EFCC1: variants seen among roughly 807,000 people sequenced by gnomAD.
The protein encoded by EFCC1 is EF-hand and coiled-coil domain containing 1.
Under a neutral mutation model 52.1 loss-of-function variants are expected in EFCC1, and 50 were observed. That is an observed-to-expected ratio of 0.96 (90% CI 0.76 to 1.21). EFCC1 has a LOEUF of 1.21. Among genes scored for constraint, EFCC1 ranks in the 50% most tolerant of loss-of-function variants. The pLI, the probability that EFCC1 is intolerant of heterozygous loss-of-function variation, is 0.00. For missense variants in EFCC1, 837 were observed against 867.3 expected, an observed-to-expected ratio of 0.97 and a Z score of 0.44; for synonymous variants, 399 against 396.5, an observed-to-expected ratio of 1.01 and a Z score of -0.08.
intron 2 of EFCC1, among the ~76,000 whole-genome samples, chr3:129,018,886 C>T (rs1170594870): frequency 1.3e-5 from 2 of 152,208 alleles, no homozygotes; most frequent in African/African-American, 2.4e-5. Flanking sequence ...GGAGTTCCCA[C>T]CCCAAATGTT....
rs1187748863 is a variant in EFCC1, at chr3:129,001,854, C to G, written c.226C>G (p.Arg76Gly). 6.5e-7 allele frequency: 1 copy of G among 1,546,198 alleles called. No homozygotes were observed. Among genetic ancestry groups the G allele is most frequent in the South Asian group, 1.2e-5 (1 of 83,540 alleles). The change falls in exon 1 of 8, where the codon CGC becomes GGC. Residue 76 changes from arginine (R) to glycine (G), a missense_variant. Physicochemically the swap from Arg to Gly is moderately radical, Grantham distance 125. Transcript: ENST00000683648. ...LDCRGAGRLP[R>G]ADFRALCAVL... Reference sequence around the variant, plus strand: ...CTGCCGCGGCGCCGGCCGTCTGCCCCGCGCCGACTTCCGAGCGCTCTGCGC... The same window carrying G: ...CTGCCGCGGCGCCGGCCGTCTGCCCGGCGCCGACTTCCGAGCGCTCTGCGC...
chr3:129,002,076 T>A lies in EFCC1; in HGVS notation c.448T>A (p.Cys150Ser). Reference sequence around the variant, plus strand: ...CTTCCGCCAGTTCCACGCGCGCCTCTGTGGCTACTTCGGCACCCGTGCGGG... The same window carrying A: ...CTTCCGCCAGTTCCACGCGCGCCTCAGTGGCTACTTCGGCACCCGTGCGGG... ...LTFRQFHARLCGYFGTRAGPR... is the reference protein window; with the variant it reads ...LTFRQFHARLSGYFGTRAGPR... Residue 150 changes from cysteine (C) to serine (S), a missense_variant, in exon 1 of 8, where the codon TGT becomes AGT. Coordinates refer to ENST00000683648, the MANE Select transcript of EFCC1 (RefSeq NM_001377500.1). 1 of 1,532,850 alleles carries A rather than the reference T, an allele frequency of 6.5e-7. No homozygotes were observed. The highest frequency in any genetic ancestry group is 8.8e-7 in the Non-Finnish European group (1 of 1,140,018). The allele number at this position is 1,532,850 out of a possible 1,614,324, so 95.0% of individuals were successfully genotyped here.
chr3:129,033,698 A>G (rs1334620627), intron 4 of EFCC1, among the ~76,000 whole-genome samples: 1 of 152,238 alleles, frequency 6.6e-6, no homozygotes, highest in Non-Finnish European at 1.5e-5. Context: ...ATCGCAGTAA[A>G]CCAGACAGTG....
chr3:129,034,312 G>T lies in EFCC1; in HGVS notation c.1435G>T (p.Gly479Trp), dbSNP rs767718057. ...TCAGGGCTGCGGTGGGAGGACCCTG[G>T]GGACCTCTGAGGAGGAGGTCAGCAG... ...RTQGCGGRTL[G>W]TSEEEAELQQ... Residue 479 changes from glycine (G) to tryptophan (W), a missense_variant, in exon 5 of 8, where the codon GGG (glycine) becomes TGG (tryptophan). Gly to Trp is a radical substitution (Grantham distance 184). Transcript: ENST00000683648. 6.2e-7 allele frequency: 1 copy of T among 1,613,976 alleles called. No individual in the cohort carries two copies. The highest frequency in any genetic ancestry group is 1.1e-5 in the South Asian group (1 of 91,074).
chr3:129,027,378 C>T (rs1470413269), intron 2 of EFCC1, among the ~76,000 whole-genome samples: 1 of 152,172 alleles, frequency 6.6e-6, no homozygotes, highest in Admixed American at 6.5e-5. Flanking sequence ...CCCTCTTGGG[C>T]TCGCGGGCCC....
At chr3:129,019,299 G>A (rs1015426673) in intron 2 of EFCC1, among the ~76,000 whole-genome samples, 2 of 152,112 alleles carry the variant, frequency 1.3e-5, no homozygotes, top group African/African-American at 4.8e-5. Context: ...TACCCTTTTG[G>A]GTGATGAAGA....
At chr3:129,038,202 C>T (rs2107942644) in intron 6 of EFCC1, among the ~76,000 whole-genome samples, 1 of 152,266 alleles carries the variant, frequency 6.6e-6, no homozygotes, top group African/African-American at 2.4e-5. Flanking sequence ...AAAGCAAGAC[C>T]CAGGTCTGTG....
chr3:129,004,882 G>A (rs562977849), intron 2 of EFCC1, among the ~76,000 whole-genome samples: 8 of 152,220 alleles, frequency 5.3e-5, no homozygotes, highest in African/African-American at 1.7e-4. Context: ...AGGGCTTTTG[G>A]CAGACGTGTG....
chr3:129,033,083 C>T (rs1004504519), intron 4 of EFCC1, 117 bp downstream of exon 4: 12 of 1,367,454 alleles, frequency 8.8e-6, no homozygotes, highest in African/African-American at 3.0e-5. Context: ...AGCCCCTCTG[C>T]GACTCTGTCC....
At chr3:129,024,114 G>T (rs1379608815) in intron 2 of EFCC1, among the ~76,000 whole-genome samples, 1 of 152,210 alleles carries the variant, frequency 6.6e-6, no homozygotes, top group East Asian at 1.9e-4. Flanking sequence ...GGAAATCCCA[G>T]TCTGGTGAGA....
chr3:129,024,479 C>T (rs1005026516), intron 2 of EFCC1, among the ~76,000 whole-genome samples: 44 of 150,816 alleles, frequency 2.9e-4, no homozygotes, highest in Admixed American at 1.5e-3. Context: ...TGCAGTGAGC[C>T]GAGATTGCAC....
In EFCC1 at chr3:129,039,978, C is replaced by T; in HGVS notation, c.*130C>T. On this transcript the variant is annotated 3_prime_UTR_variant, in exon 8 of 8. Coordinates refer to ENST00000683648, the MANE Select transcript of EFCC1 (RefSeq NM_001377500.1). ...ATCAGAACTTGAGTCTCTGCTGGCT[C>T]CTTCCAAGGTTAAGCCCGAGCCCAG... 1 of 1,299,028 alleles carries T rather than the reference C, an allele frequency of 7.7e-7. No individual in the cohort carries two copies. Among genetic ancestry groups the T allele is most frequent in the South Asian group, 1.7e-5 (1 of 60,466 alleles). 80.5% of individuals were successfully genotyped at this position (1,299,028 alleles called of 1,614,324 possible).
chr3:129,036,173 C>G (rs1946351852), intron 5 of EFCC1, among the ~76,000 whole-genome samples: 1 of 152,186 alleles, frequency 6.6e-6, no homozygotes, highest in Non-Finnish European at 1.5e-5. Flanking sequence ...GCATAGCCAC[C>G]CCTTTTCTAA....
In EFCC1 at chr3:129,032,938, C is replaced by A. The variant is rs1401661047; in HGVS notation, c.1258C>A (p.Leu420Met). 2 of 1,547,626 alleles carry A rather than the reference C, an allele frequency of 1.3e-6. No homozygotes were observed. Among genetic ancestry groups the A allele is most frequent in the Admixed American group, 3.9e-5 (2 of 50,762 alleles). ...KTPAAEAKTL[L>M]ARLSSCRGRC... ...GCCGGCAGCCGAGGCCAAGACACTG[C>A]TGGCCCGGCTCTCCAGCTGCAGAGG... is the stretch of plus-strand genomic sequence containing the variant. Residue 420 changes from leucine (L) to methionine (M), a missense_variant, in exon 4 of 8, where the codon CTG becomes ATG. Transcript: ENST00000683648.
chr3:129,002,369 G>A (rs910721571), intron 1 of EFCC1, 45 bp downstream of exon 1: 15 of 1,486,592 alleles, frequency 1.0e-5, no homozygotes, highest in Non-Finnish European at 1.3e-5. Flanking sequence ...CCGGGAGAGG[G>A]CTCGAACTAA....
At chr3:129,018,021 T>TACCATATAGTATGCAGTCCTGGCC (rs1945666147) in intron 2 of EFCC1, among the ~76,000 whole-genome samples, 1 of 152,196 alleles carries the variant, frequency 6.6e-6, no homozygotes, top group Admixed American at 6.5e-5. Flanking sequence ...CCCTCCTGGC[T>TACCATATAGTATGCAGTCCTGGCC]ACCATATAGT....
intron 4 of EFCC1, 130 bp from the exon 5 acceptor site, chr3:129,034,034 G>A (rs1448624958): frequency 2.0e-5 from 22 of 1,100,564 alleles, no homozygotes; most frequent in Non-Finnish European, 2.8e-5. Context: ...GAGGGTACTG[G>A]GCAGGCAGGT....
chr3:129,003,645 A>C, intron 1 of EFCC1, 149 bp from the exon 2 acceptor site: 1 of 789,030 alleles, frequency 1.3e-6, no homozygotes, highest in Non-Finnish European at 1.7e-6. Flanking sequence ...CACCGGACCT[A>C]AGGGCCTGGC....
chr3:129,014,125 A>G lies in EFCC1; in HGVS notation c.980+10048A>G, dbSNP rs1003168643. ...ATAACCATTGGCTTTTCTTCATTCAACCAAATTCTGTCAAGTGCCTAGAGA... is the reference window on the plus strand; with the variant it reads ...ATAACCATTGGCTTTTCTTCATTCAGCCAAATTCTGTCAAGTGCCTAGAGA... On this transcript the variant is annotated intron_variant, in intron 2 of 7. Transcript: ENST00000683648. This position sits in a 1 kb window ranked among gnomAD's most constrained non-coding sequence, Gnocchi z 4.3. 8.5e-5 allele frequency among the ~76,000 whole-genome samples: 13 copies of G among 152,324 alleles called. No homozygotes were observed. The East Asian group carries it at 1.7e-3, about 20-fold the overall frequency.
Sources: gnomAD v4.1 joint callset for allele counts (sites outside exome capture counted in the v4.1 genomes callset) on GRCh38, gnomAD v4.1.1 for gene constraint, Gnocchi (gnomAD v3.1) non-coding constraint, MANE v1.5 for transcripts, NCBI Gene and HGNC (gene_info 2026-07-23, HGNC 2026-07-21) for gene names.